Variants in ZSWIM8 observed in about 807,000 individuals in gnomAD.
The protein encoded by ZSWIM8 is zinc finger SWIM-type containing 8.
ZSWIM8 carries 27 observed loss-of-function variants against 173.7 expected under a neutral mutation model. That is an observed-to-expected ratio of 0.16 (90% CI 0.11 to 0.21). The LOEUF (loss-of-function observed/expected upper bound fraction) is 0.21, where lower values mean the gene tolerates loss of function less well. ZSWIM8 is among the 10% of genes least tolerant of loss of function. The pLI, the probability that ZSWIM8 is intolerant of heterozygous loss-of-function variation, is 1.00. For missense variants in ZSWIM8, 1,627 were observed against 2,428.8 expected (o/e 0.67, Z 6.94); for synonymous variants, 958 against 962.0 (o/e 1.00, Z 0.08).
Position 73,792,185 on chromosome 10 carries a change from G to T in ZSWIM8, c.1646G>T (p.Arg549Leu), listed in dbSNP as rs745732737. ...AVRPKEPGTK[R>L]KGLGEGVPSS... ...CGGCCCAAGGAGCCTGGGACCAAGC[G>T]AAAGGGCTTGGGTGAGGGGGTCCCC... The change falls in exon 10 of 26, where the codon CGA (arginine) becomes CTA (leucine). Residue 549 changes from arginine (R) to leucine (L), a missense_variant. Coordinates refer to ENST00000604729, the MANE Select transcript of ZSWIM8 (RefSeq NM_001367799.1). This position sits in a 1 kb window ranked among gnomAD's most constrained non-coding sequence, Gnocchi z 4.3. The T allele has an allele frequency of 7.2e-6, 11 of 1,530,516 alleles. No individual in the cohort carries two copies. Among genetic ancestry groups the T allele is most frequent in the Non-Finnish European group, 9.6e-6 (11 of 1,140,196 alleles). 94.8% of individuals were successfully genotyped at this position (1,530,516 alleles called of 1,614,324 possible).
chr10:73,797,276 GA>G lies in ZSWIM8; in HGVS notation c.3433+6del, dbSNP rs2083709234. The G allele has an allele frequency of 2.5e-6, 4 of 1,613,836 alleles. No individual in the cohort carries two copies. Among genetic ancestry groups the G allele is most frequent in the Non-Finnish European group, 1.7e-6 (2 of 1,179,856 alleles). ...GGCCTAAGAAGAAGCACACAGGTAG[GA>G]TAGCCTGTGGGCTAGCATAGAGGGA... On this transcript the variant is annotated splice_donor_region_variant and intron_variant, in intron 17 of 25. Transcript: ENST00000604729. The surrounding 1 kb of genome is among the most constrained non-coding windows in gnomAD (Gnocchi z 5.6).
chr10:73,793,732 C>G lies in ZSWIM8; in HGVS notation c.2445+13C>G. ...GCCCCCTGCCAAGGTGAGAGACCCC[C>G]TTCCTCTACCTTCCCCTCCCCCACT... On this transcript the variant is annotated intron_variant, in intron 11 of 25. Coordinates refer to ENST00000604729, the MANE Select transcript of ZSWIM8 (RefSeq NM_001367799.1). 6.3e-7 allele frequency: 1 copy of G among 1,594,464 alleles called. No individual in the cohort carries two copies. The highest frequency in any genetic ancestry group is 1.7e-4 in the Middle Eastern group (1 of 5,716).
At position 73,789,281 on chromosome 10, in the gene ZSWIM8, T is replaced by A; in HGVS notation, c.458-86T>A. On this transcript the variant is annotated intron_variant, in intron 3 of 25. Coordinates refer to ENST00000604729, the MANE Select transcript of ZSWIM8 (RefSeq NM_001367799.1). This position sits in a 1 kb window ranked among gnomAD's most constrained non-coding sequence, Gnocchi z 6.8. Reference sequence around the variant, plus strand: ...ACACACCGCAAGAAGCTGGAGCATGTTGTCTGAATAACTGCAGGGCCAGGG... The same window carrying A: ...ACACACCGCAAGAAGCTGGAGCATGATGTCTGAATAACTGCAGGGCCAGGG... The A allele has an allele frequency of 6.3e-7, 1 of 1,597,828 alleles. No individual in the cohort carries two copies. Among genetic ancestry groups the A allele is most frequent in the Non-Finnish European group, 8.6e-7 (1 of 1,169,544 alleles).
In ZSWIM8 at chr10:73,800,857, G is replaced by C; in HGVS notation, c.5122+98G>C. On this transcript the variant is annotated intron_variant, in intron 24 of 25. Coordinates refer to ENST00000604729, the MANE Select transcript of ZSWIM8 (RefSeq NM_001367799.1). The surrounding 1 kb of genome is among the most constrained non-coding windows in gnomAD (Gnocchi z 4.1). ...CTTCCTAGCTCTTGCTCAGAGTTGA[G>C]GCCTTGGTCGGGTATGTGTGCGTGC... The C allele has an allele frequency of 8.4e-7, 1 of 1,194,824 alleles. No homozygotes were observed. The highest frequency in any genetic ancestry group is 1.5e-5 in the South Asian group (1 of 66,676). 74.0% of individuals were successfully genotyped at this position (1,194,824 alleles called of 1,614,324 possible). A position where few individuals can be genotyped will look rare whatever the true frequency, so the allele number is the denominator to read the frequency against.
chr10:73,786,667 G>T (rs983422076), intron 1 of ZSWIM8: 2 of 152,326 alleles, frequency 1.3e-5, no homozygotes, highest in African/African-American at 4.8e-5. Flanking sequence ...AGGTGAACTG[G>T]CCTGCCAGAG....
intron 1 of ZSWIM8, among the ~76,000 whole-genome samples, chr10:73,786,907 T>G (rs2083246741): frequency 6.6e-6 from 1 of 152,050 alleles, no homozygotes; most frequent in Non-Finnish European, 1.5e-5. Context: ...AGATTTCTGG[T>G]GCTCCTTTGG....
Position 73,792,545 on chromosome 10 carries a change from A to G in ZSWIM8, c.2006A>G (p.Glu669Gly). 1.2e-6 allele frequency: 2 copies of G among 1,613,970 alleles called. No homozygotes were observed. ...CCTGAGCCCCCAGATACTTATGAAG[A>G]AGATGGTGGTGTGTACTTCTCGGAA... ...FLPEPPDTYE[E>G]DGGVYFSEGP... Residue 669 changes from glutamate to glycine, a missense_variant, in exon 10 of 26, where the codon GAA becomes GGA. Glu to Gly is a moderately conservative substitution (Grantham distance 98). Transcript: ENST00000604729. This position sits in a 1 kb window ranked among gnomAD's most constrained non-coding sequence, Gnocchi z 4.3.
Position 73,790,158 on chromosome 10 carries a change from C to T in ZSWIM8, c.821-14C>T, listed in dbSNP as rs2292307. Reference sequence around the variant, plus strand: ...GCCCCTATCTCTAGATGACTGACTGCCTGTCATCCTCAGACCCCACAGCAG... The same window carrying T: ...GCCCCTATCTCTAGATGACTGACTGTCTGTCATCCTCAGACCCCACAGCAG... On this transcript the variant is annotated splice_polypyrimidine_tract_variant and intron_variant, in intron 6 of 25. Transcript: ENST00000604729. 2 of 1,610,294 alleles carry T rather than the reference C, an allele frequency of 1.2e-6. No individual in the cohort carries two copies. The highest frequency in any genetic ancestry group is 4.5e-5 in the East Asian group (2 of 44,848).
intron 21 of ZSWIM8, 119 bp downstream of exon 21, chr10:73,799,609 G>C: frequency 1.5e-6 from 2 of 1,375,090 alleles, no homozygotes; most frequent in Non-Finnish European, 2.0e-6. Flanking sequence ...TGAGGTGGTG[G>C]GAGTCTGGGG....
In ZSWIM8 at chr10:73,792,397, G is replaced by C. The variant is rs754794843; in HGVS notation, c.1858G>C (p.Glu620Gln). ...CAGCTCCCTGGAGCCAGACCTGGCC[G>C]AGATGAGCCTGGATGACAGCAGCCT... Reference protein sequence around the residue: ...EDSSLEPDLAEMSLDDSSLAL... With the variant: ...EDSSLEPDLAQMSLDDSSLAL... Residue 620 changes from glutamate to glutamine, a missense_variant, in exon 10 of 26, where the codon GAG becomes CAG. Glu to Gln is a conservative substitution (Grantham distance 29). Around this residue, in one of 18 missense-constraint regions of ZSWIM8, gnomAD observed 383 missense variants for 394.8 expected, o/e 0.97. Coordinates refer to ENST00000604729, the MANE Select transcript of ZSWIM8 (RefSeq NM_001367799.1). This position sits in a 1 kb window ranked among gnomAD's most constrained non-coding sequence, Gnocchi z 4.3. 1 of 1,605,072 alleles carries C rather than the reference G, an allele frequency of 6.2e-7. No homozygotes were observed. The highest frequency in any genetic ancestry group is 8.5e-7 in the Non-Finnish European group (1 of 1,175,790).
chr10:73,785,834 C>T lies in ZSWIM8; in HGVS notation c.-45C>T, dbSNP rs2083198245. On this transcript the variant is annotated 5_prime_UTR_variant, in exon 1 of 26. Coordinates refer to ENST00000604729, the MANE Select transcript of ZSWIM8 (RefSeq NM_001367799.1). ...TCAACCCCCGGCCGGCGGCCCAGGC[C>T]CCGGATCCGCGGGGGGGGACCCGGC... The T allele has an allele frequency of 2.7e-6, 4 of 1,469,156 alleles. No homozygotes were observed. The highest frequency in any genetic ancestry group is 3.6e-6 in the Non-Finnish European group (4 of 1,108,208). The allele number at this position is 1,469,156 out of a possible 1,614,324, so 91.0% of individuals were successfully genotyped here.
In ZSWIM8 at chr10:73,789,111, G is replaced by A. The variant is rs771078882; in HGVS notation, c.378G>A (p.Leu126=). ...NEEDIRLYSC[L]ANGSADEFQR... is the part of the protein sequence containing the mutation. ...TCACCCCCAGGCTGTATTCGTGCCTGGCCAATGGCAGTGCGGATGAGTTTC... is the reference window on the plus strand; with the variant it reads ...TCACCCCCAGGCTGTATTCGTGCCTAGCCAATGGCAGTGCGGATGAGTTTC... The change falls in exon 3 of 26, where the codon CTG becomes CTA. Residue 126 remains leucine (L), a synonymous_variant. Coordinates refer to ENST00000604729, the MANE Select transcript of ZSWIM8 (RefSeq NM_001367799.1). This position sits in a 1 kb window ranked among gnomAD's most constrained non-coding sequence, Gnocchi z 6.8. 6 of 1,613,950 alleles carry A rather than the reference G, an allele frequency of 3.7e-6. No homozygotes were observed. The highest frequency in any genetic ancestry group is 4.2e-6 in the Non-Finnish European group (5 of 1,179,852).
At chr10:73,786,431 G>T (rs2083229610) in intron 1 of ZSWIM8, 2 of 267,000 alleles carry the variant, frequency 7.5e-6, no homozygotes, top group Non-Finnish European at 1.4e-5. Flanking sequence ...TTAGAGAGGG[G>T]ATAAGGGAGA....
chr10:73,798,880 CACTG>C, intron 20 of ZSWIM8, 118 bp from the exon 21 acceptor site: 1 of 1,349,484 alleles, frequency 7.4e-7, no homozygotes. Flanking sequence ...TAAGCATTGA[CACTG>C]ACCTCTGATG....
At position 73,789,308 on chromosome 10, in the gene ZSWIM8, C is replaced by G. The variant is rs764917953; in HGVS notation, c.458-59C>G. On this transcript the variant is annotated intron_variant, in intron 3 of 25. Coordinates refer to ENST00000604729, the MANE Select transcript of ZSWIM8 (RefSeq NM_001367799.1). The surrounding 1 kb of genome is among the most constrained non-coding windows in gnomAD (Gnocchi z 6.8). ...GTCTGAATAACTGCAGGGCCAGGGT[C>G]AAGGGCAGAGACCCAGGTCCTGACA... The G allele has an allele frequency of 6.4e-7, 1 of 1,571,094 alleles. No individual in the cohort carries two copies.
chr10:73,792,743 A>C lies in ZSWIM8; in HGVS notation c.2204A>C (p.Asn735Thr), dbSNP rs1376265386. The change falls in exon 10 of 26, where the codon AAT becomes ACT. Residue 735 changes from asparagine to threonine, a missense_variant. Asn to Thr is a moderately conservative substitution (Grantham distance 65). Transcript: ENST00000604729. The surrounding 1 kb of genome is among the most constrained non-coding windows in gnomAD (Gnocchi z 4.3). ...GATGACTACCAGGCGTACTATCTGA[A>C]TGCCCAGGATGGGGCTGGGGGCGAG... ...EDDDYQAYYL[N>T]AQDGAGGEEE... The C allele has an allele frequency of 3.7e-6, 6 of 1,613,422 alleles. No homozygotes were observed. The highest frequency in any genetic ancestry group is 5.1e-6 in the Non-Finnish European group (6 of 1,179,860).
Position 73,792,910 on chromosome 10 carries a change from A to G in ZSWIM8, c.2313+58A>G, listed in dbSNP as rs867630772. ...TCCTTAGCCACAACTGGGAGGGGCT[A>G]TCTAGCTCTAGTTGGGAGTGTCAGG... On this transcript the variant is annotated intron_variant, in intron 10 of 25. Coordinates refer to ENST00000604729, the MANE Select transcript of ZSWIM8 (RefSeq NM_001367799.1). The surrounding 1 kb of genome is among the most constrained non-coding windows in gnomAD (Gnocchi z 4.3). 1.9e-5 allele frequency: 29 copies of G among 1,498,826 alleles called. No individual in the cohort carries two copies. Among genetic ancestry groups the G allele is most frequent in the Middle Eastern group, 2.5e-4 (1 of 4,018 alleles). 92.8% of individuals were successfully genotyped at this position (1,498,826 alleles called of 1,614,324 possible).
rs781150708 is a variant in ZSWIM8, at chr10:73,792,286, G to A, written c.1747G>A (p.Gly583Ser). ...TCTACATAAGATGGGTCCAGGTGGG[G>A]GCAAAGCCAAGGCACTGGGTGGGGC... ...KALHKMGPGG[G>S]KAKALGGAGS... Residue 583 changes from glycine (G) to serine (S), a missense_variant, in exon 10 of 26, where the codon GGC (glycine) becomes AGC (serine). This residue lies in a region of ZSWIM8 where 383 missense variants were observed against 394.8 expected (regional missense o/e 0.97). Coordinates refer to ENST00000604729, the MANE Select transcript of ZSWIM8 (RefSeq NM_001367799.1). This position sits in a 1 kb window ranked among gnomAD's most constrained non-coding sequence, Gnocchi z 4.3. The A allele has an allele frequency of 9.3e-6, 15 of 1,609,278 alleles. No individual in the cohort carries two copies. In the South Asian group the frequency reaches 1.5e-4, roughly 17 times the overall value.
rs1247072857 is a variant in ZSWIM8 at position 73,796,906 on chromosome 10, G to C, written c.3166G>C (p.Gly1056Arg). The change falls in exon 16 of 26, where the codon GGG (glycine) becomes CGG (arginine). Residue 1056 changes from glycine (G) to arginine (R), a missense_variant. This residue lies in a region of ZSWIM8 where 163 missense variants were observed against 193.2 expected (regional missense o/e 0.84). Coordinates refer to ENST00000604729, the MANE Select transcript of ZSWIM8 (RefSeq NM_001367799.1). ...PSKHGGPSAP[G>R]ALQPLTSGSA... ...AAAGCACGGGGGCCCATCTGCCCCAGGGGCCCTGCAACCACTGACCTCAGG... is the reference window on the plus strand; with the variant it reads ...AAAGCACGGGGGCCCATCTGCCCCACGGGCCCTGCAACCACTGACCTCAGG... The C allele has an allele frequency of 3.1e-6, 5 of 1,614,062 alleles. No individual in the cohort carries two copies. In the South Asian group the frequency reaches 5.5e-5, roughly 18 times the overall value.
Sources: gnomAD v4.1 joint callset for allele counts (sites outside exome capture counted in the v4.1 genomes callset) on GRCh38, gnomAD v4.1.1 for gene constraint, gnomAD v4.1.1 regional missense constraint, Gnocchi (gnomAD v3.1) non-coding constraint, MANE v1.5 for transcripts, NCBI Gene and HGNC (gene_info 2026-07-23, HGNC 2026-07-21) for gene names.